The following FAM118B variants were observed in gnomAD, a reference collection of about 807,000 sequenced individuals.
The protein encoded by FAM118B is SIR2 antiphage like 1, also known as protein FAM118B.
A neutral mutation model predicts 38.5 loss-of-function variants in FAM118B; 24 were observed. The observed-to-expected ratio is 0.62, with a 90% CI of 0.45 to 0.88. The LOEUF (loss-of-function observed/expected upper bound fraction) is 0.88. Among genes scored for constraint, FAM118B ranks in the 40% least tolerant of loss-of-function variants. The pLI is 0.00. For missense variants in FAM118B, 334 were observed against 420.0 expected (o/e 0.80, Z 1.79); for synonymous variants, 138 against 156.3 (o/e 0.88, Z 0.87).
chr11:126,235,873 T>TGA (rs1555052460), intron 3 of FAM118B, among the ~76,000 whole-genome samples: 1 of 152,120 alleles, frequency 6.6e-6, no homozygotes, highest in African/African-American at 2.4e-5. Context: ...GTAGTATTCA[T>TGA]AGCTGAGCCT....
At chr11:126,227,520 GATGA>G (rs780815040) in intron 1 of FAM118B, among the ~76,000 whole-genome samples, 1 of 152,198 alleles carries the variant, frequency 6.6e-6, no homozygotes, top group Non-Finnish European at 1.5e-5. Context: ...ATTGTGTAAT[GATGA>G]ATGAATGAAG....
intron 1 of FAM118B, among the ~76,000 whole-genome samples, chr11:126,220,131 G>T (rs1454086766): frequency 6.6e-6 from 1 of 152,128 alleles, no homozygotes; most frequent in Admixed American, 6.5e-5. Context: ...TTGGAGGAAG[G>T]GGGGCTTCAT....
chr11:126,211,735 T>TG, upstream of FAM118B: 5 of 1,406,954 alleles, frequency 3.6e-6, no homozygotes, highest in Non-Finnish European at 4.8e-6. Context: ...TGGTGCGGGG[T>TG]GGGGCCTGGG....
intron 3 of FAM118B, among the ~76,000 whole-genome samples, chr11:126,236,883 T>G (rs1488679097): frequency 6.6e-6 from 1 of 151,566 alleles, no homozygotes; most frequent in African/African-American, 2.4e-5. Context: ...GTTTGTTCAT[T>G]TTTTCATAGC....
At chr11:126,259,583 G>A (rs1243447781) in intron 7 of FAM118B, among the ~76,000 whole-genome samples, 5 of 148,498 alleles carry the variant, frequency 3.4e-5, no homozygotes, top group African/African-American at 1.0e-4. Context: ...CCACCACCAT[G>A]CCCGGCTAAT....
At chr11:126,213,131 A>AT (rs35458545) in intron 1 of FAM118B, among the ~76,000 whole-genome samples, 23,310 of 149,452 alleles carry the variant, frequency 0.16, 2,753 homozygotes, top group East Asian at 0.64. Context: ...CCCTGGAAGA[A>AT]TTTTTTTTTT....
intron 5 of FAM118B, among the ~76,000 whole-genome samples, chr11:126,251,007 A>T (rs1047885831): frequency 2.0e-5 from 3 of 152,228 alleles, no homozygotes; most frequent in Admixed American, 6.5e-5. Context: ...GAACTGTAAG[A>T]TCTCTTTAGC....
rs555010353 is a variant in FAM118B, at chr11:126,222,640, G to A, written c.-76-6585G>A. Reference sequence around the variant, plus strand: ...ACAGGTGAGTGGTGGATATCAGCACGGAAGGTATTTGTTTGGATGAGAGAA... The same window carrying A: ...ACAGGTGAGTGGTGGATATCAGCACAGAAGGTATTTGTTTGGATGAGAGAA... On this transcript the variant is annotated intron_variant, in intron 1 of 8. Coordinates refer to ENST00000533050, the MANE Select transcript of FAM118B (RefSeq NM_024556.4). Among the ~76,000 whole-genome samples the A allele has an allele frequency of 1.2e-4, 19 of 152,294 alleles. No individual in the cohort carries two copies. In the South Asian group the frequency reaches 3.5e-3, roughly 28 times the overall value.
In FAM118B at chr11:126,256,795, G is replaced by C; in HGVS notation, c.925G>C (p.Asp309His). ...KVISYGDDYA[D>H]LPEYFKRLTC... ...CATCTCCTATGGAGATGACTATGCC[G>C]ATCTTCCAGAATATTTCAAGCGACT... Residue 309 changes from aspartate (D) to histidine (H), a missense_variant, in exon 7 of 9, where the codon GAT becomes CAT. This residue lies in a region of FAM118B where 88 missense variants were observed against 98.1 expected (regional missense o/e 0.90). Coordinates refer to ENST00000533050, the MANE Select transcript of FAM118B (RefSeq NM_024556.4). This position sits in a 1 kb window ranked among gnomAD's most constrained non-coding sequence, Gnocchi z 6.6. 1 of 1,612,308 alleles carries C rather than the reference G, an allele frequency of 6.2e-7. No individual in the cohort carries two copies. The highest frequency in any genetic ancestry group is 8.5e-7 in the Non-Finnish European group (1 of 1,178,938).
intron 1 of FAM118B, among the ~76,000 whole-genome samples, chr11:126,212,112 G>A (rs1234294474): frequency 6.6e-6 from 1 of 152,206 alleles, no homozygotes; most frequent in African/African-American, 2.4e-5. Context: ...ACGCGTCGGG[G>A]ACCCTCTTGA....
Position 126,262,304 on chromosome 11 carries a change from C to A in FAM118B, c.*171C>A. Reference sequence around the variant, plus strand: ...AATGTTGCAGCGTAATCCTTCATACCACCTGGTTCTTGATATTCTGCCGCC... The same window carrying A: ...AATGTTGCAGCGTAATCCTTCATACAACCTGGTTCTTGATATTCTGCCGCC... On this transcript the variant is annotated 3_prime_UTR_variant, in exon 9 of 9. Coordinates refer to ENST00000533050, the MANE Select transcript of FAM118B (RefSeq NM_024556.4). 1 of 650,854 alleles carries A rather than the reference C, an allele frequency of 1.5e-6. No individual in the cohort carries two copies. Among genetic ancestry groups the A allele is most frequent in the Non-Finnish European group, 2.7e-6 (1 of 376,760 alleles). 40.3% of individuals were successfully genotyped at this position (650,854 alleles called of 1,614,324 possible). A position where few individuals can be genotyped will look rare whatever the true frequency, so the allele number is the denominator to read the frequency against.
intron 4 of FAM118B, among the ~76,000 whole-genome samples, chr11:126,241,632 C>G (rs1950359553): frequency 6.6e-6 from 1 of 151,994 alleles, no homozygotes; most frequent in South Asian, 2.1e-4. Flanking sequence ...TCATGGCAGC[C>G]TCCGCCTCCT....
intron 7 of FAM118B, among the ~76,000 whole-genome samples, chr11:126,259,304 AAATT>A (rs1321564308): frequency 3.9e-5 from 6 of 152,278 alleles, no homozygotes; most frequent in Middle Eastern, 3.4e-3. Context: ...TGCATAGTGG[AAATT>A]AATTGTCTTC....
chr11:126,248,661 C>T lies in FAM118B; in HGVS notation c.340-1845C>T, dbSNP rs1049683457. Among the ~76,000 whole-genome samples, 6 of 152,158 alleles carry T rather than the reference C, an allele frequency of 3.9e-5. No individual in the cohort carries two copies. In the South Asian group the frequency reaches 1.0e-3, roughly 26 times the overall value. ...CTGGGATTACAGGCGTGAGCCAGCACGCCCGGCCCAGACTCGCTTTTATAA... is the reference window on the plus strand; with the variant it reads ...CTGGGATTACAGGCGTGAGCCAGCATGCCCGGCCCAGACTCGCTTTTATAA... On this transcript the variant is annotated intron_variant, in intron 4 of 8. Coordinates refer to ENST00000533050, the MANE Select transcript of FAM118B (RefSeq NM_024556.4).
chr11:126,261,989 A>G (rs1302435794), intron 8 of FAM118B, 131 bp from the exon 9 acceptor site: 1 of 856,924 alleles, frequency 1.2e-6, no homozygotes, highest in African/African-American at 1.7e-5. Context: ...AATTTTAAAT[A>G]AATTACAAGA....
At chr11:126,239,543 T>G (rs987993783) in intron 3 of FAM118B, among the ~76,000 whole-genome samples, 2 of 152,226 alleles carry the variant, frequency 1.3e-5, no homozygotes, top group Non-Finnish European at 2.9e-5. Context: ...TCTAGTAGAC[T>G]GATCTTTCAA....
In FAM118B at chr11:126,261,459, A is replaced by G. The variant is rs374438567; in HGVS notation, c.1017A>G (p.Ser339=). 1 of 1,613,870 alleles carries G rather than the reference A, an allele frequency of 6.2e-7. No homozygotes were observed. Among genetic ancestry groups the G allele is most frequent in the Non-Finnish European group, 8.5e-7 (1 of 1,179,848 alleles). The stretch of plus-strand genomic sequence containing the variant: ...TGAGAGAAGGTCAGCTAAATGGCTC[A>G]TCTGCAGCACACAGTGAAATAAGAG... The part of the protein sequence containing the change: ...GMVREGQLNG[S]SAAHSEIRGC... Residue 339 remains serine, a synonymous_variant, in exon 8 of 9, where the codon TCA becomes TCG. Coordinates refer to ENST00000533050, the MANE Select transcript of FAM118B (RefSeq NM_024556.4).
chr11:126,231,430 G>A (rs1322543482), intron 2 of FAM118B, among the ~76,000 whole-genome samples: 1 of 151,996 alleles, frequency 6.6e-6, no homozygotes, highest in African/African-American at 2.4e-5. Flanking sequence ...CCTGAAAACA[G>A]TACTCTAGAA....
chr11:126,228,130 A>G (rs1383518450), intron 1 of FAM118B, among the ~76,000 whole-genome samples: 1 of 151,868 alleles, frequency 6.6e-6, no homozygotes, highest in Non-Finnish European at 1.5e-5. Context: ...AGCTCTATTT[A>G]AGTTGGAAAT....
Sources: gnomAD v4.1 joint callset for allele counts (sites outside exome capture counted in the v4.1 genomes callset) on GRCh38, gnomAD v4.1.1 for gene constraint, gnomAD v4.1.1 regional missense constraint, Gnocchi (gnomAD v3.1) non-coding constraint, MANE v1.5 for transcripts, NCBI Gene and HGNC (gene_info 2026-07-23, HGNC 2026-07-21) for gene names.